CTNNA2: variants seen among roughly 807,000 people sequenced by gnomAD.
CTNNA2 encodes catenin alpha-2.
Under a neutral mutation model 101.0 loss-of-function variants are expected in CTNNA2, and 42 were observed. That is an observed-to-expected ratio of 0.42 (90% CI 0.32 to 0.54). CTNNA2 has a LOEUF of 0.54. Ranked by LOEUF, CTNNA2 falls within the 20% of genes least tolerant of loss-of-function variation. The pLI is 0.14. For missense variants in CTNNA2, 871 were observed against 1,223.1 expected (o/e 0.71, Z 4.29); for synonymous variants, 450 against 456.4 (o/e 0.99, Z 0.18).
At chr2:80,192,866 AATCTACTCAGTCATGC>A (rs1436492292) in intron 7 of CTNNA2, among the ~76,000 whole-genome samples, 2 of 152,188 alleles carry the variant, frequency 1.3e-5, no homozygotes, top group Non-Finnish European at 2.9e-5. Flanking sequence ...TCAGAAATAT[AATCTACTCAGTCATGC>A]ATCTACTCAG....
chr2:79,764,543 A>T lies in CTNNA2; in HGVS notation c.298+19961A>T, dbSNP rs571609439. On this transcript the variant is annotated intron_variant, in intron 3 of 18. Coordinates refer to ENST00000402739, the MANE Select transcript of CTNNA2 (RefSeq NM_001282597.3). Reference sequence around the variant, plus strand: ...CATTACATAAATTAATGTTTATAACATTACATCCTTAAGAATCAAAAACAA... The same window carrying T: ...CATTACATAAATTAATGTTTATAACTTTACATCCTTAAGAATCAAAAACAA... Among the ~76,000 whole-genome samples the T allele has an allele frequency of 2.6e-5, 4 of 152,314 alleles. No homozygotes were observed. The East Asian group carries it at 7.7e-4, about 29-fold the overall frequency.
chr2:79,909,453 C>T (rs1005228524), intron 6 of CTNNA2, 141 bp from the exon 7 acceptor site: 1 of 602,014 alleles, frequency 1.7e-6, no homozygotes. Context: ...TTTGTCAAGG[C>T]AACTTTAGAA....
chr2:79,281,736 T>G (rs1168942081), intron 2 of CTNNA2, among the ~76,000 whole-genome samples: 1 of 152,206 alleles, frequency 6.6e-6, no homozygotes, highest in Non-Finnish European at 1.5e-5. Flanking sequence ...CATCAGCATT[T>G]TTGTTTATTG....
chr2:80,395,749 A>G (rs745559187), intron 8 of CTNNA2, among the ~76,000 whole-genome samples: 2 of 152,228 alleles, frequency 1.3e-5, no homozygotes, highest in Non-Finnish European at 2.9e-5. Context: ...TTTCAATTAC[A>G]GATAAATGTA....
intron 2 of CTNNA2, among the ~76,000 whole-genome samples, chr2:79,734,801 A>T (rs2104938845): frequency 6.6e-6 from 1 of 152,258 alleles, no homozygotes; most frequent in East Asian, 1.9e-4. Context: ...TATGCAGCTT[A>T]AAATCATAAA....
At chr2:79,653,916 G>C (rs1179241504) in intron 2 of CTNNA2, among the ~76,000 whole-genome samples, 3 of 152,064 alleles carry the variant, frequency 2.0e-5, no homozygotes, top group Non-Finnish European at 4.4e-5. Context: ...ATGAAACAAA[G>C]ATTCTCTTTT....
At chr2:79,205,076 G>T (rs907302816) in intron 2 of CTNNA2, among the ~76,000 whole-genome samples, 1 of 152,204 alleles carries the variant, frequency 6.6e-6, no homozygotes, top group African/African-American at 2.4e-5. Flanking sequence ...ATAATAGGAT[G>T]CAATGGAAGC....
At chr2:79,482,003 C>G (rs1279986171) in intron 4 of CTNNA2, among the ~76,000 whole-genome samples, 11 of 152,266 alleles carry the variant, frequency 7.2e-5, no homozygotes, top group Admixed American at 6.5e-4. Context: ...GAAAATGATA[C>G]TTTTGGTCAG....
intron 1 of CTNNA2, among the ~76,000 whole-genome samples, chr2:79,526,252 A>G (rs982957070): frequency 3.3e-5 from 5 of 152,148 alleles, no homozygotes; most frequent in Admixed American, 6.6e-5. Context: ...AAAACAATCT[A>G]TACTGTTACT....
intron 12 of CTNNA2, among the ~76,000 whole-genome samples, chr2:80,567,995 A>C (rs939808368): frequency 6.6e-6 from 1 of 152,072 alleles, no homozygotes; most frequent in Non-Finnish European, 1.5e-5. Context: ...ACACACTCAG[A>C]GTGTGTTGGA....
chr2:79,429,099 A>G (rs1558664720), intron 4 of CTNNA2, among the ~76,000 whole-genome samples: 1 of 152,174 alleles, frequency 6.6e-6, no homozygotes, highest in Non-Finnish European at 1.5e-5. Context: ...TATTCTACCT[A>G]CAATAGACTA....
At chr2:79,805,082 A>G (rs1175360520) in intron 3 of CTNNA2, among the ~76,000 whole-genome samples, 1 of 152,124 alleles carries the variant, frequency 6.6e-6, no homozygotes, top group Non-Finnish European at 1.5e-5. Flanking sequence ...GGTATACCTT[A>G]AGAAGAAGCT....
At chr2:79,445,606 T>A (rs1310684821) in intron 4 of CTNNA2, among the ~76,000 whole-genome samples, 1 of 152,174 alleles carries the variant, frequency 6.6e-6, no homozygotes, top group Non-Finnish European at 1.5e-5. Context: ...AGTTTTGACC[T>A]AATCACCTGT....
chr2:79,851,024 A>G (rs1001764305), intron 3 of CTNNA2, among the ~76,000 whole-genome samples: 5 of 152,360 alleles, frequency 3.3e-5, no homozygotes, highest in Non-Finnish European at 7.3e-5. Context: ...TAGTTAGAGC[A>G]GAGGCCCTCA....
chr2:80,349,293 C>T (rs1024902931), intron 7 of CTNNA2, among the ~76,000 whole-genome samples: 3 of 152,160 alleles, frequency 2.0e-5, no homozygotes, highest in Admixed American at 6.5e-5. Flanking sequence ...AACATCTTTG[C>T]TCCCAATGGC....
In CTNNA2 at chr2:80,523,474, A is replaced by C. The variant is rs193280274; in HGVS notation, c.1291-21508A>C. ...GATAATGTTAGGCCTGCGTGAAGAG[A>C]AAGTTATAAGGTAGATGGAAAGAGG... On this transcript the variant is annotated intron_variant, in intron 9 of 18. Coordinates refer to ENST00000402739, the MANE Select transcript of CTNNA2 (RefSeq NM_001282597.3). Among the ~76,000 whole-genome samples the C allele has an allele frequency of 1.1e-4, 16 of 152,322 alleles. No homozygotes were observed. The East Asian group carries it at 3.1e-3, about 29-fold the overall frequency.
intron 7 of CTNNA2, among the ~76,000 whole-genome samples, chr2:80,090,747 G>A (rs969245260): frequency 6.6e-6 from 1 of 152,054 alleles, no homozygotes; most frequent in Non-Finnish European, 1.5e-5. Context: ...GTCATGTCTA[G>A]GTTGGATGAT....
At chr2:80,224,205 C>A (rs1298303756) in intron 7 of CTNNA2, among the ~76,000 whole-genome samples, 2 of 152,148 alleles carry the variant, frequency 1.3e-5, no homozygotes, top group East Asian at 3.9e-4. Flanking sequence ...CCAAGGAGAC[C>A]CCACACTGCC....
intron 2 of CTNNA2, among the ~76,000 whole-genome samples, chr2:79,294,289 G>A (rs1456710389): frequency 1.3e-5 from 2 of 151,936 alleles, no homozygotes; most frequent in African/African-American, 4.8e-5. Flanking sequence ...CAAATTCAAG[G>A]AGAAAGAGAG....
Sources: gnomAD v4.1 joint callset for allele counts (sites outside exome capture counted in the v4.1 genomes callset) on GRCh38, gnomAD v4.1.1 for gene constraint, MANE v1.5 for transcripts, NCBI Gene and HGNC (gene_info 2026-07-23, HGNC 2026-07-21) for gene names.